POU4F1: variants seen among roughly 807,000 people sequenced by gnomAD.
POU4F1 encodes the protein POU class 4 homeobox 1.
Under a neutral mutation model 19.8 loss-of-function variants are expected in POU4F1, and 5 were observed. The observed-to-expected ratio is 0.25, with a 90% CI of 0.13 to 0.53. The LOEUF (loss-of-function observed/expected upper bound fraction) is 0.53. Ranked by LOEUF, POU4F1 falls within the 20% of genes least tolerant of loss-of-function variation. The probability of loss-of-function intolerance (pLI) is 0.96; values close to 1 mark genes in which losing one functional copy is unlikely to be tolerated. For missense variants in POU4F1, 408 were observed against 511.6 expected, an observed-to-expected ratio of 0.80 and a Z score of 1.95; for synonymous variants, 266 against 247.7, an observed-to-expected ratio of 1.07 and a Z score of -0.69.
chr13:78,603,544 G>T lies in POU4F1; in HGVS notation c.-218C>A. Reference sequence around the variant, plus strand: ...GCCGGCCTCGCGGTCCCGCTTCTCCGACAGCTCTAGCCCCGCGCGCCGACG... The same window carrying T: ...GCCGGCCTCGCGGTCCCGCTTCTCCTACAGCTCTAGCCCCGCGCGCCGACG... On this transcript the variant is annotated 5_prime_UTR_variant, in exon 1 of 2. Transcript: ENST00000377208. 1 of 581,946 alleles carries T rather than the reference G, an allele frequency of 1.7e-6. No individual in the cohort carries two copies. The highest frequency in any genetic ancestry group is 2.3e-6 in the Non-Finnish European group (1 of 429,086). The allele number at this position is 581,946 out of a possible 1,614,324, so 36.0% of individuals were successfully genotyped here.
At position 78,602,047 on chromosome 13, in the gene POU4F1, T is replaced by G. The variant is rs921271989; in HGVS notation, c.628A>C (p.Met210Leu). 1.2e-4 allele frequency: 67 copies of G among 550,490 alleles called. No homozygotes were observed. The African/African-American group carries it at 1.3e-3, about 10-fold the overall frequency. The allele number at this position is 550,490 out of a possible 1,614,324, so 34.1% of individuals were successfully genotyped here. The change falls in exon 2 of 2, where the codon ATG becomes CTG. Residue 210 changes from methionine to leucine, a missense_variant. This residue lies in a region of POU4F1 where 294 missense variants were observed against 288.2 expected (regional missense o/e 1.02). Transcript: ENST00000377208. Reference protein sequence around the residue: ...SHPAAAAAMNMPSGLPHPGLV... With the variant: ...SHPAAAAAMNLPSGLPHPGLV... ...CCGGGGTGCGGCAGCCCGGACGGCA[T>G]GTTCATGGCGGCCGCCGCCGCGGGG... is the stretch of plus-strand genomic sequence containing the variant.
rs1437419880 is a variant in POU4F1, at chr13:78,602,195, G to GCCC, written c.477_479dup (p.Gly162dup). On this transcript the variant is annotated inframe_insertion, in exon 2 of 2. Transcript: ENST00000377208. Reference sequence around the variant, plus strand: ...CACCGCCGCCTCCCCCGGGGCCGCCGCCCGGGCCGCCGCCGCCGCCCGGGC... The same window carrying GCCC: ...CACCGCCGCCTCCCCCGGGGCCGCCGCCCCCCGGGCCGCCGCCGCCGCCCGGGC... 5 of 320,740 alleles carry GCCC rather than the reference G, an allele frequency of 1.6e-5. 1 individual carries two copies. Among genetic ancestry groups the GCCC allele is most frequent in the Admixed American group, 1.4e-4 (2 of 14,540 alleles). 19.9% of individuals were successfully genotyped at this position (320,740 alleles called of 1,614,324 possible). A position where few individuals can be genotyped will look rare whatever the true frequency, so the allele number is the denominator to read the frequency against.
chr13:78,602,913 G>A (rs1874772021), intron 1 of POU4F1, among the ~76,000 whole-genome samples: 1 of 152,230 alleles, frequency 6.6e-6, no homozygotes, highest in Non-Finnish European at 1.5e-5. Context: ...AGCACGCACA[G>A]AGACTGCCTT....
rs542120787 is a variant in POU4F1 at position 78,601,178 on chromosome 13, C to G, written c.*237G>C. ...TCCCCACTCCCCCGAATGCTCCCCC[C>G]CTTCTCCCCTACCCTATACTCCAAT... On this transcript the variant is annotated 3_prime_UTR_variant, in exon 2 of 2. Transcript: ENST00000377208. The G allele has an allele frequency of 1.7e-4, 74 of 440,980 alleles. No individual in the cohort carries two copies. Among genetic ancestry groups the G allele is most frequent in the African/African-American group, 1.2e-3 (61 of 48,908 alleles). 27.3% of individuals were successfully genotyped at this position (440,980 alleles called of 1,614,324 possible).
At position 78,600,097 on chromosome 13, in the gene POU4F1, A is replaced by AT. The variant is rs1874635225; in HGVS notation, c.*1317dup. On this transcript the variant is annotated 3_prime_UTR_variant, in exon 2 of 2. Transcript: ENST00000377208. ...CTTCCTCTTTTCTGGGATTTAGGTG[A>AT]TTTTCTCACAGCCAAGTCCTACCGC... 6.6e-6 allele frequency: 1 copy of AT among 152,188 alleles called. No individual in the cohort carries two copies. The highest frequency in any genetic ancestry group is 2.4e-5 in the African/African-American group (1 of 41,418). 9.4% of individuals were successfully genotyped at this position (152,188 alleles called of 1,614,324 possible).
Position 78,603,526 on chromosome 13 carries a change from T to A in POU4F1, c.-200A>T, listed in dbSNP as rs1874798875. ...CCGCGCAGAGCGCCGCGCGCCGGCC[T>A]CGCGGTCCCGCTTCTCCGACAGCTC... On this transcript the variant is annotated 5_prime_UTR_variant, in exon 1 of 2. Transcript: ENST00000377208. 1.2e-6 allele frequency: 1 copy of A among 801,844 alleles called. No individual in the cohort carries two copies. Among genetic ancestry groups the A allele is most frequent in the Non-Finnish European group, 1.6e-6 (1 of 625,370 alleles). 49.7% of individuals were successfully genotyped at this position (801,844 alleles called of 1,614,324 possible).
Position 78,601,190 on chromosome 13 carries a change from C to T in POU4F1, c.*225G>A, listed in dbSNP as rs1474043382. On this transcript the variant is annotated 3_prime_UTR_variant, in exon 2 of 2. Transcript: ENST00000377208. Reference sequence around the variant, plus strand: ...CGAATGCTCCCCCCCTTCTCCCCTACCCTATACTCCAATCCCCACACCCAG... The same window carrying T: ...CGAATGCTCCCCCCCTTCTCCCCTATCCTATACTCCAATCCCCACACCCAG... 2.3e-6 allele frequency: 1 copy of T among 442,372 alleles called. No individual in the cohort carries two copies. The highest frequency in any genetic ancestry group is 2.1e-5 in the South Asian group (1 of 48,166). The allele number at this position is 442,372 out of a possible 1,614,324, so 27.4% of individuals were successfully genotyped here.
rs967054901 is a variant in POU4F1, at chr13:78,599,650, C to G, written c.*1765G>C. On this transcript the variant is annotated 3_prime_UTR_variant, in exon 2 of 2. Coordinates refer to ENST00000377208, the MANE Select transcript of POU4F1 (RefSeq NM_006237.4). ...AGACCTAATTGTGTTTCTTTCCACA[C>G]CTTTCAGATCATGCATGATTTCAGT... 6 of 152,544 alleles carry G rather than the reference C, an allele frequency of 3.9e-5. No individual in the cohort carries two copies. The highest frequency in any genetic ancestry group is 2.6e-4 in the Admixed American group (4 of 15,276). 9.4% of individuals were successfully genotyped at this position (152,544 alleles called of 1,614,324 possible).
Position 78,598,974 on chromosome 13 carries a change from C to T in POU4F1, c.*2441G>A, listed in dbSNP as rs938748016. The T allele has an allele frequency of 4.6e-5, 7 of 152,190 alleles. No homozygotes were observed. The highest frequency in any genetic ancestry group is 2.1e-4 in the South Asian group (1 of 4,828). 9.4% of individuals were successfully genotyped at this position (152,190 alleles called of 1,614,324 possible). On this transcript the variant is annotated 3_prime_UTR_variant, in exon 2 of 2. Transcript: ENST00000377208. ...AGAATTCATTTTATTTAGAGCACCACTTTTCATGAGTTATCTGAAAGTGAA... is the reference window on the plus strand; with the variant it reads ...AGAATTCATTTTATTTAGAGCACCATTTTTCATGAGTTATCTGAAAGTGAA...
chr13:78,603,335 C>A lies in POU4F1; in HGVS notation c.-9G>T. 1 of 1,574,906 alleles carries A rather than the reference C, an allele frequency of 6.3e-7. No homozygotes were observed. The highest frequency in any genetic ancestry group is 8.6e-7 in the Non-Finnish European group (1 of 1,161,476). On this transcript the variant is annotated 5_prime_UTR_variant, in exon 1 of 2. Coordinates refer to ENST00000377208, the MANE Select transcript of POU4F1 (RefSeq NM_006237.4). Reference sequence around the variant, plus strand: ...CTGTTCATGGACATCATCGTGGCGGCTTGGCATGTATATCCACAAACACTC... The same window carrying A: ...CTGTTCATGGACATCATCGTGGCGGATTGGCATGTATATCCACAAACACTC...
rs1447319541 is a variant in POU4F1, at chr13:78,602,453, A to G, written c.222T>C (p.His74=). The change falls in exon 2 of 2, where the codon CAT becomes CAC. Residue 74 remains histidine, a synonymous_variant. Coordinates refer to ENST00000377208, the MANE Select transcript of POU4F1 (RefSeq NM_006237.4). ...VDIAVSQGKS[H]PFKPDATYHT... ...GGTACGTGGCGTCCGGCTTGAAAGG[A>G]TGGCTCTTGCCCTGGGACACGGCGA... The G allele has an allele frequency of 1.2e-6, 2 of 1,601,040 alleles. No individual in the cohort carries two copies. The highest frequency in any genetic ancestry group is 1.7e-6 in the Non-Finnish European group (2 of 1,175,422).
At chr13:78,602,671 C>A in intron 1 of POU4F1, 120 bp from the exon 2 acceptor site, 21 of 1,157,876 alleles carry the variant, frequency 1.8e-5, no homozygotes, top group Non-Finnish European at 2.3e-5. Context: ...CACAAAGCAA[C>A]CAAAATAACA....
chr13:78,601,087 C>A lies in POU4F1; in HGVS notation c.*328G>T, dbSNP rs1390019529. The A allele has an allele frequency of 2.9e-6, 1 of 340,888 alleles. No homozygotes were observed. Among genetic ancestry groups the A allele is most frequent in the Non-Finnish European group, 5.4e-6 (1 of 186,026 alleles). The allele number at this position is 340,888 out of a possible 1,614,324, so 21.1% of individuals were successfully genotyped here. Reference sequence around the variant, plus strand: ...CCTACCCTTCCCGCGTCTCCCCCCACCCAAACCCCAGAACCATCCTGCTCC... The same window carrying A: ...CCTACCCTTCCCGCGTCTCCCCCCAACCAAACCCCAGAACCATCCTGCTCC... On this transcript the variant is annotated 3_prime_UTR_variant, in exon 2 of 2. Transcript: ENST00000377208.
At position 78,603,488 on chromosome 13, in the gene POU4F1, G is replaced by C; in HGVS notation, c.-162C>G. 8.5e-7 allele frequency: 1 copy of C among 1,172,106 alleles called. No individual in the cohort carries two copies. The highest frequency in any genetic ancestry group is 1.1e-6 in the Non-Finnish European group (1 of 933,524). The allele number at this position is 1,172,106 out of a possible 1,614,324, so 72.6% of individuals were successfully genotyped here. On this transcript the variant is annotated 5_prime_UTR_variant, in exon 1 of 2. Coordinates refer to ENST00000377208, the MANE Select transcript of POU4F1 (RefSeq NM_006237.4). ...CTGCTGCTGCTCCTGCTGCTGCCAG[G>C]CGCTCCCTCTGACCGCGCAGAGCGC...
In POU4F1 at chr13:78,602,374, G is replaced by A. The variant is rs1171860217; in HGVS notation, c.301C>T (p.His101Tyr). Residue 101 changes from histidine to tyrosine, a missense_variant, in exon 2 of 2, where the codon CAC (histidine) becomes TAC (tyrosine). His to Tyr is a moderately conservative substitution (Grantham distance 83, BLOSUM62 2). This residue lies in a region of POU4F1 where 294 missense variants were observed against 288.2 expected (regional missense o/e 1.02). Transcript: ENST00000377208. The part of the protein sequence containing the change: ...TSTSTVPLAH[H>Y]HHHHHHHQAL... ...TGGTGGTGGTGGTGGTGGTGGTGGT[G>A]GTGCGCCAGAGGCACCGTGGAAGTG... 3 of 1,520,444 alleles carry A rather than the reference G, an allele frequency of 2.0e-6. No individual in the cohort carries two copies. Among genetic ancestry groups the A allele is most frequent in the Non-Finnish European group, 2.6e-6 (3 of 1,136,490 alleles). 94.2% of individuals were successfully genotyped at this position (1,520,444 alleles called of 1,614,324 possible). A position where few individuals can be genotyped will look rare whatever the true frequency, so the allele number is the denominator to read the frequency against.
chr13:78,602,682 A>G (rs1032112732), intron 1 of POU4F1, 131 bp from the exon 2 acceptor site: 7 of 780,048 alleles, frequency 9.0e-6, no homozygotes, highest in Non-Finnish European at 1.1e-5. Flanking sequence ...CAAAATAACA[A>G]CGGGTTTGGG....
Position 78,603,410 on chromosome 13 carries a change from G to A in POU4F1, c.-84C>T, listed in dbSNP as rs1357163425. On this transcript the variant is annotated 5_prime_UTR_variant, in exon 1 of 2. Transcript: ENST00000377208. ...CGCCGGCTCACCCGGCCTCCCTTCGGAGGCTGCAGCCGCGGCGGTCGCGGC... is the reference window on the plus strand; with the variant it reads ...CGCCGGCTCACCCGGCCTCCCTTCGAAGGCTGCAGCCGCGGCGGTCGCGGC... 6.7e-7 allele frequency: 1 copy of A among 1,481,628 alleles called. No individual in the cohort carries two copies. Among genetic ancestry groups the A allele is most frequent in the Non-Finnish European group, 9.0e-7 (1 of 1,111,368 alleles). 91.8% of individuals were successfully genotyped at this position (1,481,628 alleles called of 1,614,324 possible). A position where few individuals can be genotyped will look rare whatever the true frequency, so the allele number is the denominator to read the frequency against.
chr13:78,603,424 G>T lies in POU4F1; in HGVS notation c.-98C>A, dbSNP rs1429846169. On this transcript the variant is annotated 5_prime_UTR_variant, in exon 1 of 2. Transcript: ENST00000377208. ...GCCTCCCTTCGGAGGCTGCAGCCGC[G>T]GCGGTCGCGGCGGCTGGCGGCGGCC... The T allele has an allele frequency of 8.2e-5, 115 of 1,404,560 alleles. No individual in the cohort carries two copies. Among genetic ancestry groups the T allele is most frequent in the East Asian group, 1.8e-4 (6 of 34,086 alleles). The allele number at this position is 1,404,560 out of a possible 1,614,324, so 87.0% of individuals were successfully genotyped here.
Position 78,603,229 on chromosome 13 carries a change from C to T in POU4F1, c.98G>A (p.Arg33Gln). Residue 33 changes from arginine (R) to glutamine (Q), a missense_variant, in exon 1 of 2, where the codon CGG becomes CAG. Transcript: ENST00000377208. ...CGGCGGCGTGGGCAGGCAGGCCCGCCGGATGGCCTCGGAGCTGGAGTGCAG... is the reference window on the plus strand; with the variant it reads ...CGGCGGCGTGGGCAGGCAGGCCCGCTGGATGGCCTCGGAGCTGGAGTGCAG... ...PSLHSSSEAI[R>Q]RACLPTPPLQ... is the part of the protein sequence containing the mutation. 1 of 1,553,718 alleles carries T rather than the reference C, an allele frequency of 6.4e-7. No homozygotes were observed. The highest frequency in any genetic ancestry group is 8.7e-7 in the Non-Finnish European group (1 of 1,151,414).
Sources: gnomAD v4.1 joint callset for allele counts (sites outside exome capture counted in the v4.1 genomes callset) on GRCh38, gnomAD v4.1.1 for gene constraint, gnomAD v4.1.1 regional missense constraint, MANE v1.5 for transcripts, NCBI Gene and HGNC (gene_info 2026-07-23, HGNC 2026-07-21) for gene names.